Variants in MAP3K9 observed in about 807,000 individuals in gnomAD.
The protein encoded by MAP3K9 is mixed lineage kinase 1 (tyr and ser/thr specificity).
In MAP3K9, 46 loss-of-function variants were observed where a neutral mutation model predicts 95.8. The observed-to-expected ratio is 0.48, with a 90% confidence interval of 0.38 to 0.61. The LOEUF is 0.61. MAP3K9 is among the 20% of genes least tolerant of loss of function. MAP3K9 has a pLI of 0.00. For synonymous variants in MAP3K9, 533 were observed against 593.8 expected, an observed-to-expected ratio of 0.90 and a Z score of 1.49; for missense variants, 1,296 against 1,474.3, an observed-to-expected ratio of 0.88 and a Z score of 1.98.
chr14:70,760,662 T>C (rs1002759880), intron 3 of MAP3K9, among the ~76,000 whole-genome samples: 2 of 152,106 alleles, frequency 1.3e-5, no homozygotes, highest in Admixed American at 1.3e-4. Context: ...GCCAGACTGA[T>C]CCTCACGAAG....
rs267604044 is a variant in MAP3K9 at position 70,730,839 on chromosome 14, G to A, written c.2856C>T (p.Ser952=). ...GACGGGGGAATTCACCTGGGTCTCG[G>A]CTGGGACTGGGGGTTTTCAACATTC... ...GAGMLKTPSP[S]RDPGEFPRLP... is the part of the protein sequence containing the mutation. The change falls in exon 12 of 12, where the codon AGC becomes AGT. Residue 952 remains serine, a synonymous_variant. Coordinates refer to ENST00000554752, the MANE Select transcript of MAP3K9 (RefSeq NM_001284230.2). 24 of 1,608,124 alleles carry A rather than the reference G, an allele frequency of 1.5e-5. No homozygotes were observed. Among genetic ancestry groups the A allele is most frequent in the Non-Finnish European group, 2.0e-5 (23 of 1,179,046 alleles).
At chr14:70,732,343 C>T (rs1415458813) in intron 11 of MAP3K9, among the ~76,000 whole-genome samples, 196 bp downstream of exon 11, 1 of 152,034 alleles carries the variant, frequency 6.6e-6, no homozygotes, top group African/African-American at 2.4e-5. Flanking sequence ...AGGGAAGACC[C>T]CTGAGGCACA....
intron 2 of MAP3K9, among the ~76,000 whole-genome samples, chr14:70,798,394 T>G (rs1482089974): frequency 1.1e-5 from 1 of 90,980 alleles, no homozygotes; most frequent in Non-Finnish European, 2.3e-5. Context: ...ATAAAGAAAA[T>G]TCAGCTTCTC....
intron 2 of MAP3K9, among the ~76,000 whole-genome samples, chr14:70,761,537 T>G (rs966179313): frequency 6.6e-6 from 1 of 152,240 alleles, no homozygotes; most frequent in African/African-American, 2.4e-5. Flanking sequence ...CCGAGACGGG[T>G]GGATCACCTG....
rs777473872 is a variant in MAP3K9, at chr14:70,738,264, G to A, written c.1825C>T (p.Leu609Phe). The change falls in exon 8 of 12, where the codon CTT (leucine) becomes TTT (phenylalanine). Residue 609 changes from leucine (L) to phenylalanine (F), a missense_variant. Leu to Phe is a conservative substitution (Grantham distance 22, BLOSUM62 0). This residue lies in a region of MAP3K9 where 377 missense variants were observed against 417.1 expected (regional missense o/e 0.90). Coordinates refer to ENST00000554752, the MANE Select transcript of MAP3K9 (RefSeq NM_001284230.2). ...ACTTACCCTTCATCTCCCGAGGCAA[G>A]CTCCTTCTGACCAAGCGTCCCTGGC... ...WGPGTLGQKE[L>F]ASGDEGSPQR... The A allele has an allele frequency of 9.3e-6, 15 of 1,610,630 alleles. No individual in the cohort carries two copies. The highest frequency in any genetic ancestry group is 5.0e-5 in the Admixed American group (3 of 59,466).
intron 2 of MAP3K9, among the ~76,000 whole-genome samples, chr14:70,796,746 A>G (rs762054541): frequency 2.6e-5 from 4 of 152,184 alleles, no homozygotes; most frequent in African/African-American, 4.8e-5. Context: ...CTTGGACCTC[A>G]TAACTGGCAG....
intron 11 of MAP3K9, 99 bp downstream of exon 11, chr14:70,732,440 C>T (rs2053917738): frequency 6.8e-7 from 1 of 1,463,404 alleles, no homozygotes; most frequent in Non-Finnish European, 9.0e-7. Flanking sequence ...ATGGTGTTCA[C>T]TCAAATCCCG....
intron 2 of MAP3K9, among the ~76,000 whole-genome samples, chr14:70,763,770 G>A (rs1042370330): frequency 4.6e-5 from 7 of 152,056 alleles, no homozygotes; most frequent in African/African-American, 9.7e-5. Context: ...CGGTTCAAGC[G>A]ATCCTCCCAC....
intron 11 of MAP3K9, among the ~76,000 whole-genome samples, chr14:70,731,175 G>C (rs978766416): frequency 3.3e-5 from 5 of 152,024 alleles, no homozygotes; most frequent in Non-Finnish European, 7.4e-5. Flanking sequence ...GTGGAGTACA[G>C]TGGCTCATGC....
chr14:70,738,338 C>T lies in MAP3K9; in HGVS notation c.1751G>A (p.Gly584Glu), dbSNP rs1209249796. ...TGGGGCCCTCTTCTCCTCCTCCTCC[C>T]CTTCCTCCTTTGGGACGACTGAGCT... ...GRSSVVPKEE[G>E]EEEEKRAPKK... Residue 584 changes from glycine (G) to glutamate (E), a missense_variant, in exon 8 of 12, where the codon GGG becomes GAG. By Grantham distance (98) the Gly-to-Glu change is moderately conservative. Coordinates refer to ENST00000554752, the MANE Select transcript of MAP3K9 (RefSeq NM_001284230.2). 2 of 1,614,006 alleles carry T rather than the reference C, an allele frequency of 1.2e-6. No individual in the cohort carries two copies. Among genetic ancestry groups the T allele is most frequent in the East Asian group, 4.5e-5 (2 of 44,878 alleles).
At chr14:70,731,822 G>A (rs933228913) in intron 11 of MAP3K9, among the ~76,000 whole-genome samples, 2 of 152,214 alleles carry the variant, frequency 1.3e-5, no homozygotes, top group Non-Finnish European at 2.9e-5. Context: ...CATTGAAAGG[G>A]TATTACTATG....
intron 2 of MAP3K9, among the ~76,000 whole-genome samples, chr14:70,766,253 A>T (rs2054454028): frequency 6.6e-6 from 1 of 152,066 alleles, no homozygotes; most frequent in Admixed American, 6.5e-5. Flanking sequence ...TAGGCTTGAC[A>T]CTCTTAATGT....
At chr14:70,787,929 G>C (rs1337351590) in intron 2 of MAP3K9, among the ~76,000 whole-genome samples, 2 of 152,082 alleles carry the variant, frequency 1.3e-5, no homozygotes, top group East Asian at 1.9e-4. Flanking sequence ...AGACAGAGAT[G>C]GGGGGAGCAA....
rs747333728 is a variant in MAP3K9, at chr14:70,734,466, CA to C, written c.1945del (p.Trp649GlyfsTer9). ...LKSLVDGYKQWSSSAPNLVKG... is the reference protein window; with the variant it reads ...LKSLVDGYKQXSSSAPNLVKG... Reference sequence around the variant, plus strand: ...CACCAGGTTGGGGGCACTGGACGACCACTGCTTATATCCATCTACCAGGGAC... The same window carrying C: ...CACCAGGTTGGGGGCACTGGACGACCCTGCTTATATCCATCTACCAGGGAC... On this transcript the variant is annotated frameshift_variant, in exon 10 of 12. Transcript: ENST00000554752. LOFTEE classifies it high-confidence loss of function. 1 of 1,613,454 alleles carries C rather than the reference CA, an allele frequency of 6.2e-7. No homozygotes were observed.
chr14:70,808,789 G>A lies in MAP3K9; in HGVS notation c.383C>T (p.Pro128Leu). ...SSRCQPGGED[P>L]SCYPPIQLLE... ...ACACTGAATGGGCGGGTAGCAACTGGGGTCCTCGCCGCCGGGCTGGCAGCG... is the reference window on the plus strand; with the variant it reads ...ACACTGAATGGGCGGGTAGCAACTGAGGTCCTCGCCGCCGGGCTGGCAGCG... Residue 128 changes from proline (P) to leucine (L), a missense_variant, in exon 1 of 12, where the codon CCC becomes CTC. Transcript: ENST00000554752. 1 of 1,587,574 alleles carries A rather than the reference G, an allele frequency of 6.3e-7. No homozygotes were observed.
At chr14:70,807,721 C>T (rs762913455) in intron 1 of MAP3K9, among the ~76,000 whole-genome samples, 1 of 151,964 alleles carries the variant, frequency 6.6e-6, no homozygotes, top group Non-Finnish European at 1.5e-5. Context: ...TATGGAAACT[C>T]TCAAATACAA....
intron 3 of MAP3K9, among the ~76,000 whole-genome samples, chr14:70,755,543 G>T (rs1025780965): frequency 3.3e-5 from 5 of 152,188 alleles, no homozygotes; most frequent in Non-Finnish European, 5.9e-5. Flanking sequence ...TATAGAAGAT[G>T]TATAACATTT....
At chr14:70,787,126 T>A (rs1311732694) in intron 2 of MAP3K9, among the ~76,000 whole-genome samples, 2 of 152,146 alleles carry the variant, frequency 1.3e-5, no homozygotes, top group Admixed American at 1.3e-4. Context: ...TTTTTTTCCT[T>A]TTTCAATGAT....
At chr14:70,767,537 G>A (rs2054474131) in intron 2 of MAP3K9, among the ~76,000 whole-genome samples, 2 of 152,094 alleles carry the variant, frequency 1.3e-5, no homozygotes, top group South Asian at 4.1e-4. Context: ...GAGGAGACTA[G>A]AGAAAGAGTA....
Sources: gnomAD v4.1 joint callset for allele counts (sites outside exome capture counted in the v4.1 genomes callset) on GRCh38, gnomAD v4.1.1 for gene constraint, gnomAD v4.1.1 regional missense constraint, MANE v1.5 for transcripts, NCBI Gene and HGNC (gene_info 2026-07-23, HGNC 2026-07-21) for gene names.